LAMA2: variants seen among roughly 807,000 people sequenced by gnomAD.
The protein encoded by LAMA2 is laminin subunit alpha 2.
LAMA2 carries 269 observed loss-of-function variants against 364.8 expected under a neutral mutation model. That is an observed-to-expected ratio of 0.74 (90% confidence interval 0.67 to 0.82). The LOEUF (loss-of-function observed/expected upper bound fraction) is 0.82, where lower values mean the gene tolerates loss of function less well. Ranked by LOEUF, LAMA2 falls within the 40% of genes least tolerant of loss-of-function variation. The probability of loss-of-function intolerance (pLI) is 0.00; values close to 1 mark genes in which losing one functional copy is unlikely to be tolerated. For synonymous variants in LAMA2, 1,379 were observed against 1,370.6 expected (o/e 1.01, Z -0.14); for missense variants, 3,807 against 3,873.2 (o/e 0.98, Z 0.45).
At chr6:129,420,106 G>T (rs1292970268) in intron 40 of LAMA2, among the ~76,000 whole-genome samples, 1 of 151,980 alleles carries the variant, frequency 6.6e-6, no homozygotes, top group Non-Finnish European at 1.5e-5. Context: ...TAATATCATT[G>T]TATATCTACT....
chr6:129,161,359 T>G (rs1779429021), intron 8 of LAMA2, among the ~76,000 whole-genome samples: 1 of 152,142 alleles, frequency 6.6e-6, no homozygotes. Flanking sequence ...GTCCCTAAAT[T>G]TAATATAGTT....
At chr6:129,218,693 T>A (rs1783587643) in intron 12 of LAMA2, among the ~76,000 whole-genome samples, 1 of 152,210 alleles carries the variant, frequency 6.6e-6, no homozygotes, top group Non-Finnish European at 1.5e-5. Flanking sequence ...ATTATGGTGA[T>A]CTAAATATAG....
At chr6:128,907,976 G>T (rs548294128) in intron 1 of LAMA2, among the ~76,000 whole-genome samples, 1 of 152,110 alleles carries the variant, frequency 6.6e-6, no homozygotes, top group South Asian at 2.1e-4. Context: ...TGCATCCCAG[G>T]GATGAAGCCC....
intron 9 of LAMA2, among the ~76,000 whole-genome samples, chr6:129,169,371 AG>A (rs1231953731): frequency 4.0e-5 from 6 of 149,334 alleles, no homozygotes; most frequent in African/African-American, 7.6e-5. Flanking sequence ...TTTAGCATGA[AG>A]GGTTGTTGAA....
chr6:129,207,200 G>A (rs764232168), intron 12 of LAMA2, among the ~76,000 whole-genome samples: 3 of 152,122 alleles, frequency 2.0e-5, no homozygotes, highest in African/African-American at 4.8e-5. Flanking sequence ...TTGTGTATTC[G>A]TATCTGAAAT....
chr6:129,223,738 T>A lies in LAMA2; in HGVS notation c.1783-26374T>A, dbSNP rs142419442. ...GGTACCAGTACCATGCTGTTTTGGT[T>A]ACTGTAGCCTTGTAGTATAGTTTGA... On this transcript the variant is annotated intron_variant, in intron 12 of 64. Coordinates refer to ENST00000421865, the MANE Select transcript of LAMA2 (RefSeq NM_000426.4). Among the ~76,000 whole-genome samples, 452 of 152,332 alleles carry A rather than the reference T, an allele frequency of 3.0e-3. 1 individual carries two copies. The highest frequency in any genetic ancestry group is 0.01 in the African/African-American group (435 of 41,580).
intron 58 of LAMA2, among the ~76,000 whole-genome samples, chr6:129,501,286 T>G (rs1785614263): frequency 6.6e-6 from 1 of 152,170 alleles, no homozygotes. Flanking sequence ...AAGAGGCCAT[T>G]CAGCTGTGCG....
intron 51 of LAMA2, among the ~76,000 whole-genome samples, chr6:129,470,135 AT>A (rs1472270521): frequency 6.6e-6 from 1 of 151,898 alleles, no homozygotes; most frequent in African/African-American, 2.4e-5. Flanking sequence ...TATTAGAGGT[AT>A]TTAGGAGAAG....
intron 12 of LAMA2, among the ~76,000 whole-genome samples, chr6:129,241,346 G>T (rs1785386115): frequency 6.6e-6 from 1 of 152,136 alleles, no homozygotes; most frequent in Non-Finnish European, 1.5e-5. Flanking sequence ...ATTTTCAAGT[G>T]CATTTAGAAT....
intron 4 of LAMA2, among the ~76,000 whole-genome samples, chr6:129,106,761 A>G (rs1489773493): frequency 6.6e-6 from 1 of 151,374 alleles, no homozygotes; most frequent in Non-Finnish European, 1.5e-5. Flanking sequence ...TTATTGTTAC[A>G]TTTTAAAAAT....
intron 1 of LAMA2, among the ~76,000 whole-genome samples, chr6:128,965,043 TGA>T (rs1781749259): frequency 6.6e-6 from 1 of 151,980 alleles, no homozygotes; most frequent in African/African-American, 2.4e-5. Flanking sequence ...ACAGTTTATA[TGA>T]GAGGATTATA....
At chr6:128,914,078 G>A (rs947175388) in intron 1 of LAMA2, among the ~76,000 whole-genome samples, 3 of 152,022 alleles carry the variant, frequency 2.0e-5, no homozygotes, top group Non-Finnish European at 4.4e-5. Flanking sequence ...TTTTCCTCAA[G>A]GTTATTAACA....
intron 32 of LAMA2, among the ~76,000 whole-genome samples, chr6:129,355,105 A>G (rs1777077703): frequency 6.6e-6 from 1 of 152,174 alleles, no homozygotes; most frequent in African/African-American, 2.4e-5. Flanking sequence ...TTTATTCCAG[A>G]AAAAAATATT....
chr6:129,227,248 G>GT (rs1288111608), intron 12 of LAMA2, among the ~76,000 whole-genome samples: 7 of 152,008 alleles, frequency 4.6e-5, no homozygotes. Flanking sequence ...TTTTTTCAAG[G>GT]TTTTTAGCTT....
At chr6:129,335,255 A>C (rs1001574626) in intron 29 of LAMA2, among the ~76,000 whole-genome samples, 1 of 151,988 alleles carries the variant, frequency 6.6e-6, no homozygotes, top group Admixed American at 6.6e-5. Context: ...AAGAAAAAAA[A>C]TTTTTTTGAA....
At chr6:129,449,436 C>T (rs1370775091) in intron 45 of LAMA2, among the ~76,000 whole-genome samples, 1 of 152,106 alleles carries the variant, frequency 6.6e-6, no homozygotes, top group Non-Finnish European at 1.5e-5. Flanking sequence ...AGAGAGCTCT[C>T]ACCCCTGTAA....
intron 46 of LAMA2, 27 bp downstream of exon 46, chr6:129,453,158 A>T: frequency 6.3e-7 from 1 of 1,599,368 alleles, no homozygotes; most frequent in Admixed American, 1.7e-5. Flanking sequence ...ACTTTTCATT[A>T]GGCTGCTGTA....
intron 7 of LAMA2, among the ~76,000 whole-genome samples, chr6:129,151,850 A>G (rs547149866): frequency 7.9e-4 from 121 of 152,314 alleles, no homozygotes; most frequent in African/African-American, 2.8e-3. Context: ...GGGTGGGGAC[A>G]CAGAGCCAAA....
chr6:129,194,825 C>T (rs1004370911), intron 12 of LAMA2, among the ~76,000 whole-genome samples: 4 of 152,068 alleles, frequency 2.6e-5, no homozygotes, highest in African/African-American at 7.2e-5. Context: ...TGTCACATCA[C>T]GTAAATTATA....
Sources: allele counts gnomAD v4.1 joint callset (sites outside exome capture counted in the v4.1 genomes callset), GRCh38; gene constraint gnomAD v4.1.1; transcripts MANE v1.5; gene names NCBI Gene and HGNC (gene_info 2026-07-23, HGNC 2026-07-21).